Variants in TRIM33 observed in about 807,000 individuals in gnomAD.
TRIM33 encodes the protein tripartite motif containing 33.
TRIM33 carries 20 observed loss-of-function variants against 125.4 expected under a neutral mutation model. The observed-to-expected ratio is 0.16, with a 90% CI of 0.11 to 0.23. TRIM33 has a LOEUF of 0.23. TRIM33 is among the 10% of genes least tolerant of loss of function. The probability of loss-of-function intolerance (pLI) is 1.00; values close to 1 mark genes in which losing one functional copy is unlikely to be tolerated. For synonymous variants in TRIM33, 564 were observed against 513.9 expected, an observed-to-expected ratio of 1.10 and a Z score of -1.32; for missense variants, 920 against 1,411.4, an observed-to-expected ratio of 0.65 and a Z score of 5.58.
chr1:114,417,685 T>A (rs1653023068), intron 11 of TRIM33, among the ~76,000 whole-genome samples: 2 of 152,084 alleles, frequency 1.3e-5, no homozygotes, highest in South Asian at 4.1e-4. Flanking sequence ...TGAGATAGAG[T>A]TTCACTCTTG....
At chr1:114,412,291 C>A (rs1333259924) in intron 11 of TRIM33, among the ~76,000 whole-genome samples, 1 of 152,194 alleles carries the variant, frequency 6.6e-6, no homozygotes, top group Non-Finnish European at 1.5e-5. Flanking sequence ...ACCAACTTCG[C>A]TTACAGAAAT....
intron 15 of TRIM33, among the ~76,000 whole-genome samples, chr1:114,403,466 G>A (rs1652033943): frequency 6.6e-6 from 1 of 152,048 alleles, no homozygotes; most frequent in Non-Finnish European, 1.5e-5. Flanking sequence ...CGCCTCTCGG[G>A]TTCAAGCGAT....
intron 4 of TRIM33, among the ~76,000 whole-genome samples, chr1:114,434,455 A>G (rs114815141): frequency 1.1e-3 from 169 of 152,344 alleles, no homozygotes; most frequent in African/African-American, 4.0e-3. Flanking sequence ...CAAGGGTTAA[A>G]TCAATAAAAA....
rs66490349 is a variant in TRIM33 at position 114,397,589 on chromosome 1, G to GTTTTTTTTT, written c.*50_*58dup. 9.1e-5 allele frequency: 58 copies of GTTTTTTTTT among 640,452 alleles called. No homozygotes were observed. Among genetic ancestry groups the GTTTTTTTTT allele is most frequent in the African/African-American group, 2.2e-4 (8 of 36,458 alleles). 39.7% of individuals were successfully genotyped at this position (640,452 alleles called of 1,614,324 possible). Reference sequence around the variant, plus strand: ...CTTAAAAGTTTTCTGGGTTTTTTGTGTTTTTTTTTTTTTTTTCGTTTTTTT... The same window carrying GTTTTTTTTT: ...CTTAAAAGTTTTCTGGGTTTTTTGTGTTTTTTTTTTTTTTTTTTTTTTTTTCGTTTTTTT... On this transcript the variant is annotated 3_prime_UTR_variant, in exon 20 of 20. Transcript: ENST00000358465.
chr1:114,399,319 A>T, intron 18 of TRIM33, 138 bp downstream of exon 18: 2 of 652,624 alleles, frequency 3.1e-6, no homozygotes, highest in Non-Finnish European at 4.9e-6. Flanking sequence ...TGGAGCTGTT[A>T]ATACAATCAG....
At chr1:114,419,401 A>AC (rs1476750369) in intron 11 of TRIM33, among the ~76,000 whole-genome samples, 4 of 152,066 alleles carry the variant, frequency 2.6e-5, no homozygotes. Context: ...TGGGCAGATA[A>AC]CCCGTCAGGC....
chr1:114,445,735 G>A (rs1377607732), intron 4 of TRIM33, among the ~76,000 whole-genome samples: 5 of 152,256 alleles, frequency 3.3e-5, no homozygotes, highest in East Asian at 1.9e-4. Flanking sequence ...GGAACAATAC[G>A]AGTGACATCC....
intron 4 of TRIM33, among the ~76,000 whole-genome samples, chr1:114,458,128 C>G (rs2101349045): frequency 6.6e-6 from 1 of 152,278 alleles, no homozygotes; most frequent in South Asian, 2.1e-4. Context: ...ATAATAGTTT[C>G]TTCCTGAAAC....
chr1:114,426,922 T>C (rs1343686262), intron 8 of TRIM33, among the ~76,000 whole-genome samples: 2 of 152,136 alleles, frequency 1.3e-5, no homozygotes, highest in East Asian at 1.9e-4. Flanking sequence ...ATTTAAAAGA[T>C]GGAGGGTCGG....
Position 114,423,051 on chromosome 1 carries a change from T to A in TRIM33, c.1861-1415A>T, listed in dbSNP as rs77614825. ...ATAAGTAACAGCATACAAACATACA[T>A]AACCAGAAGCAGGAGGTAAAAAGTC... On this transcript the variant is annotated intron_variant, in intron 10 of 19. Transcript: ENST00000358465. Among the ~76,000 whole-genome samples the A allele has an allele frequency of 9.8e-3, 1,494 of 152,246 alleles. 25 individuals carry two copies. Among genetic ancestry groups the A allele is most frequent in the African/African-American group, 0.034 (1,411 of 41,550 alleles).
chr1:114,404,497 G>A (rs1396978339), intron 15 of TRIM33: 2 of 152,076 alleles, frequency 1.3e-5, no homozygotes, highest in African/African-American at 4.8e-5. Context: ...ATTGAAAGAA[G>A]GCATTCAGTG....
At chr1:114,428,015 C>T in intron 6 of TRIM33, 121 bp from the exon 7 acceptor site, 2 of 982,580 alleles carry the variant, frequency 2.0e-6, no homozygotes, top group Non-Finnish European at 2.9e-6. Context: ...TGAATAAGCT[C>T]CATGATTATT....
rs552566920 is a variant in TRIM33, at chr1:114,436,703, G to T, written c.924-2970C>A. Among the ~76,000 whole-genome samples the T allele has an allele frequency of 2.2e-3, 334 of 152,136 alleles. 2 individuals carry two copies. Among genetic ancestry groups the T allele is most frequent in the African/African-American group, 7.5e-3 (313 of 41,538 alleles). ...TGATCTCAAACTCCTGACCTCAGAT[G>T]ATCCGCCCACCTCGACCTCCCAAAG... On this transcript the variant is annotated intron_variant, in intron 4 of 19. Coordinates refer to ENST00000358465, the MANE Select transcript of TRIM33 (RefSeq NM_015906.4).
intron 11 of TRIM33, among the ~76,000 whole-genome samples, chr1:114,415,365 G>C (rs985185012): frequency 2.0e-5 from 3 of 152,046 alleles, no homozygotes; most frequent in African/African-American, 7.2e-5. Context: ...TCTGACCTCC[G>C]ATTTGAAATT....
chr1:114,459,081 A>G (rs1572079141), intron 4 of TRIM33, among the ~76,000 whole-genome samples: 1 of 152,180 alleles, frequency 6.6e-6, no homozygotes, highest in South Asian at 2.1e-4. Context: ...CCTGGCATAC[A>G]ATTCCTAAAA....
chr1:114,435,468 T>C (rs1210548516), intron 4 of TRIM33, among the ~76,000 whole-genome samples: 1 of 152,138 alleles, frequency 6.6e-6, no homozygotes, highest in Non-Finnish European at 1.5e-5. Context: ...AAAGTAATAA[T>C]ACTATGAGCA....
rs912781437 is a variant in TRIM33 at position 114,395,514 on chromosome 1, C to T, written c.*2134G>A. ...TGAAGAGCAATACAAAATATTAGAACTCAAAGGCCTGACAAAATGAAGTTA... is the reference window on the plus strand; with the variant it reads ...TGAAGAGCAATACAAAATATTAGAATTCAAAGGCCTGACAAAATGAAGTTA... On this transcript the variant is annotated 3_prime_UTR_variant, in exon 20 of 20. Transcript: ENST00000358465. 1 of 200,838 alleles carries T rather than the reference C, an allele frequency of 5.0e-6. No homozygotes were observed. Among genetic ancestry groups the T allele is most frequent in the Non-Finnish European group, 1.0e-5 (1 of 97,470 alleles). 12.4% of individuals were successfully genotyped at this position (200,838 alleles called of 1,614,324 possible). A position where few individuals can be genotyped will look rare whatever the true frequency, so the allele number is the denominator to read the frequency against.
chr1:114,496,156 G>A (rs11102798), intron 1 of TRIM33, among the ~76,000 whole-genome samples: 2,808 of 152,258 alleles, frequency 0.018, 82 homozygotes, highest in African/African-American at 0.064. Context: ...TCTGCCCTAC[G>A]GCAGACAAAA....
chr1:114,397,557 A>T lies in TRIM33; in HGVS notation c.*91T>A. 3 of 956,034 alleles carry T rather than the reference A, an allele frequency of 3.1e-6. No individual in the cohort carries two copies. The highest frequency in any genetic ancestry group is 4.7e-6 in the Non-Finnish European group (3 of 635,788). The allele number at this position is 956,034 out of a possible 1,614,324, so 59.2% of individuals were successfully genotyped here. The stretch of plus-strand genomic sequence containing the variant: ...GTGCCCACTGTAGGCAGGATATTCC[A>T]GCAACACTTAAAAGTTTTCTGGGTT... On this transcript the variant is annotated 3_prime_UTR_variant, in exon 20 of 20. Coordinates refer to ENST00000358465, the MANE Select transcript of TRIM33 (RefSeq NM_015906.4).
Sources: gnomAD v4.1 joint callset for allele counts (sites outside exome capture counted in the v4.1 genomes callset) on GRCh38, gnomAD v4.1.1 for gene constraint, MANE v1.5 for transcripts, NCBI Gene and HGNC (gene_info 2026-07-23, HGNC 2026-07-21) for gene names.